XRCC5: variants seen among roughly 807,000 people sequenced by gnomAD.
The protein encoded by XRCC5 is X-ray repair cross complementing 5.
In XRCC5, 12 loss-of-function variants were observed where a neutral mutation model predicts 95.7. The observed-to-expected ratio is 0.13, with a 90% CI of 0.08 to 0.20. The LOEUF is 0.20. Among genes scored for constraint, XRCC5 ranks in the 10% least tolerant of loss-of-function variants. XRCC5 has a pLI of 1.00. For missense variants in XRCC5, 595 were observed against 873.9 expected (o/e 0.68, Z 4.02); for synonymous variants, 281 against 290.3 (o/e 0.97, Z 0.33).
At position 216,122,010 on chromosome 2, in the gene XRCC5, GAGTTAC is replaced by G. The variant is rs1696820863; in HGVS notation, c.492-43_492-38del. 3.2e-5 allele frequency: 46 copies of G among 1,447,304 alleles called. No individual in the cohort carries two copies. The South Asian group carries it at 6.4e-4, about 20-fold the overall frequency. The allele number at this position is 1,447,304 out of a possible 1,614,324, so 89.7% of individuals were successfully genotyped here. On this transcript the variant is annotated intron_variant, in intron 5 of 20. Coordinates refer to ENST00000392132, the MANE Select transcript of XRCC5 (RefSeq NM_021141.4). ...ATGTGCTCATTTTCTCATAGCTGAT[GAGTTAC>G]AGTTACAGGATTAGAACACTAACTA... is the stretch of plus-strand genomic sequence containing the variant.
chr2:216,163,258 C>T (rs2106028518), intron 16 of XRCC5, among the ~76,000 whole-genome samples: 1 of 151,962 alleles, frequency 6.6e-6, no homozygotes, highest in East Asian at 1.9e-4. Context: ...CTTCGGCCTC[C>T]CAAAGCTCTG....
chr2:216,109,466 A>G lies in XRCC5; in HGVS notation c.21+9A>G. ...TGCGGTCGGGGAATAAGGTATAAAG[A>G]AAGCCATGGACTTGGGCTTTACCCG... is the stretch of plus-strand genomic sequence containing the variant. On this transcript the variant is annotated intron_variant, in intron 1 of 20. Transcript: ENST00000392132. 1 of 1,613,900 alleles carries G rather than the reference A, an allele frequency of 6.2e-7. No individual in the cohort carries two copies. Among genetic ancestry groups the G allele is most frequent in the Non-Finnish European group, 8.5e-7 (1 of 1,179,852 alleles).
chr2:216,157,005 G>A (rs1475385234), intron 14 of XRCC5, among the ~76,000 whole-genome samples: 3 of 152,124 alleles, frequency 2.0e-5, no homozygotes, highest in Admixed American at 6.5e-5. Context: ...CTGCCCAGGC[G>A]ACCGTCCCCA....
chr2:216,163,765 A>C (rs1477330355), intron 16 of XRCC5, among the ~76,000 whole-genome samples: 1 of 152,206 alleles, frequency 6.6e-6, no homozygotes, highest in African/African-American at 2.4e-5. Context: ...ACAGTCTACC[A>C]GGCTTAAATC....
intron 14 of XRCC5, among the ~76,000 whole-genome samples, chr2:216,159,458 G>A (rs968798024): frequency 3.9e-5 from 6 of 152,074 alleles, no homozygotes; most frequent in Non-Finnish European, 8.8e-5. Context: ...AACAGAATTA[G>A]GTTTATAAAA....
chr2:216,155,308 TAATTTTTC>T (rs1217249358), intron 14 of XRCC5, among the ~76,000 whole-genome samples: 1 of 140,374 alleles, frequency 7.1e-6, no homozygotes, highest in Non-Finnish European at 1.6e-5. Context: ...AATCAAAAAA[TAATTTTTC>T]AATTTTTCCA....
At chr2:216,161,861 T>C (rs1688958646) in intron 15 of XRCC5, 118 bp from the exon 16 acceptor site, 2 of 825,290 alleles carry the variant, frequency 2.4e-6, no homozygotes, top group African/African-American at 3.5e-5. Flanking sequence ...GCCCTTCTCT[T>C]TGTCTTTGGT....
At position 216,138,151 on chromosome 2, in the gene XRCC5, G is replaced by A. The variant is rs1166937147; in HGVS notation, c.1314G>A (p.Leu438=). The A allele has an allele frequency of 1.9e-6, 3 of 1,613,148 alleles. No individual in the cohort carries two copies. The highest frequency in any genetic ancestry group is 2.2e-5 in the South Asian group (2 of 91,046). Reference sequence around the variant, plus strand: ...TGCGGCAATACATGTTTTCATCCTTGAAAAACAGTAAGAAATATGCTCCCA... The same window carrying A: ...TGCGGCAATACATGTTTTCATCCTTAAAAAACAGTAAGAAATATGCTCCCA... ...EDLRQYMFSS[L]KNSKKYAPTE... Residue 438 remains leucine (L), a synonymous_variant, in exon 12 of 21, where the codon TTG becomes TTA. Transcript: ENST00000392132.
At chr2:216,140,560 C>T (rs940604932) in intron 12 of XRCC5, among the ~76,000 whole-genome samples, 22 of 152,146 alleles carry the variant, frequency 1.4e-4, no homozygotes, top group African/African-American at 5.3e-4. Flanking sequence ...TGTCGTATTT[C>T]TGCTCTCATG....
At chr2:216,111,398 A>G (rs1490893294) in intron 1 of XRCC5, 1 of 450,914 alleles carries the variant, frequency 2.2e-6, no homozygotes, top group Admixed American at 2.4e-5. Context: ...GTGGGGTGCA[A>G]CTGTGGTCCC....
At chr2:216,179,662 C>G (rs207943) in intron 16 of XRCC5, among the ~76,000 whole-genome samples, 71,078 of 151,854 alleles carry the variant, frequency 0.47, 17,230 homozygotes, top group African/African-American at 0.54. Flanking sequence ...CTCAAGATGA[C>G]TATGCTTGGC....
At chr2:216,141,376 C>T in intron 13 of XRCC5, 57 bp downstream of exon 13, 1 of 1,602,170 alleles carries the variant, frequency 6.2e-7, no homozygotes, top group Admixed American at 1.7e-5. Context: ...GAGCTAAGTG[C>T]AAAGTTGCGG....
rs778052197 is a variant in XRCC5, at chr2:216,137,076, C to T, written c.1114-12C>T. Reference sequence around the variant, plus strand: ...GTTGAATATGTGTTAATACATCCATCTTTCTTACCAGGCAGCTGCAGTTGC... The same window carrying T: ...GTTGAATATGTGTTAATACATCCATTTTTCTTACCAGGCAGCTGCAGTTGC... On this transcript the variant is annotated splice_polypyrimidine_tract_variant and intron_variant, in intron 10 of 20. Coordinates refer to ENST00000392132, the MANE Select transcript of XRCC5 (RefSeq NM_021141.4). The T allele has an allele frequency of 3.1e-6, 5 of 1,611,310 alleles. No individual in the cohort carries two copies. Among genetic ancestry groups the T allele is most frequent in the Non-Finnish European group, 4.2e-6 (5 of 1,178,762 alleles).
intron 16 of XRCC5, among the ~76,000 whole-genome samples, chr2:216,190,020 A>G (rs1025605492): frequency 2.0e-4 from 30 of 152,228 alleles, no homozygotes; most frequent in Non-Finnish European, 4.4e-5. Flanking sequence ...GACAAATATC[A>G]ATAGGTATCA....
chr2:216,199,808 A>ATTTT lies in XRCC5; in HGVS notation c.2110-4513_2110-4512insTTTT, dbSNP rs879564899. Among the ~76,000 whole-genome samples the ATTTT allele has an allele frequency of 1.0e-3, 122 of 121,888 alleles. 10 individuals are homozygous for ATTTT. The highest frequency in any genetic ancestry group is 5.1e-3 in the East Asian group (20 of 3,908). 80.0% of individuals were successfully genotyped at this position (121,888 alleles called of 152,430 possible). On this transcript the variant is annotated intron_variant, in intron 19 of 20. Transcript: ENST00000392132. ...GAGGATTTATCCCCATGGCATTGGG[A>ATTTT]TCTTTTTTTTTTTTTTTTTTTTTTT...
At chr2:216,195,697 C>G (rs1300924533) in intron 19 of XRCC5, among the ~76,000 whole-genome samples, 1 of 152,178 alleles carries the variant, frequency 6.6e-6, no homozygotes, top group Non-Finnish European at 1.5e-5. Flanking sequence ...TCTGATTCAG[C>G]CATGAGTCAG....
chr2:216,121,949 A>T, intron 5 of XRCC5, 113 bp from the exon 6 acceptor site: 2 of 964,716 alleles, frequency 2.1e-6, no homozygotes, highest in Non-Finnish European at 2.9e-6. Context: ...GAGTCGTTTG[A>T]CAGATGAGAA....
rs541683472 is a variant in XRCC5 at position 216,156,377 on chromosome 2, A to G, written c.1671-3691A>G. The stretch of plus-strand genomic sequence containing the variant: ...TCTGCTGTTGTGGGGTCTTTGGGCA[A>G]CCCTTCAATTTAAGTGCTTGGCAAC... On this transcript the variant is annotated intron_variant, in intron 14 of 20. Coordinates refer to ENST00000392132, the MANE Select transcript of XRCC5 (RefSeq NM_021141.4). 6 of 784,678 alleles carry G rather than the reference A, an allele frequency of 7.6e-6. No individual in the cohort carries two copies. The African/African-American group carries it at 8.7e-5, about 11-fold the overall frequency. The allele number at this position is 784,678 out of a possible 1,614,324, so 48.6% of individuals were successfully genotyped here. A position where few individuals can be genotyped will look rare whatever the true frequency, so the allele number is the denominator to read the frequency against.
intron 16 of XRCC5, among the ~76,000 whole-genome samples, chr2:216,186,519 A>G (rs566718791): frequency 2.0e-5 from 3 of 152,364 alleles, no homozygotes; most frequent in South Asian, 2.1e-4. Flanking sequence ...CTGGGTTAGT[A>G]TATGATGCCC....
Sources: allele counts gnomAD v4.1 joint callset (sites outside exome capture counted in the v4.1 genomes callset), GRCh38; gene constraint gnomAD v4.1.1; transcripts MANE v1.5; gene names NCBI Gene and HGNC (gene_info 2026-07-23, HGNC 2026-07-21).